The following WWOX variants were observed in gnomAD, a reference collection of about 807,000 sequenced individuals.
The protein encoded by WWOX is WW domain containing oxidoreductase.
WWOX carries 69 observed loss-of-function variants against 46.2 expected under a neutral mutation model. The observed-to-expected ratio is 1.49, with a 90% CI of 1.23 to 1.82. WWOX has a LOEUF of 1.82. Ranked by LOEUF, WWOX falls within the 40% of genes most tolerant of loss-of-function variation. The pLI, the probability that WWOX is intolerant of heterozygous loss-of-function variation, is 0.00. For missense variants in WWOX, 919 were observed against 542.6 expected (o/e 1.69, Z -6.89); for synonymous variants, 359 against 202.6 (o/e 1.77, Z -6.56).
chr16:78,614,685 A>G (rs1251715308), intron 8 of WWOX, among the ~76,000 whole-genome samples: 1 of 152,162 alleles, frequency 6.6e-6, no homozygotes, highest in Non-Finnish European at 1.5e-5. Flanking sequence ...CCTTTTTGAT[A>G]CTAACGCTAC....
chr16:79,074,308 C>T (rs943775959), intron 8 of WWOX, among the ~76,000 whole-genome samples: 2 of 151,728 alleles, frequency 1.3e-5, no homozygotes, highest in Non-Finnish European at 2.9e-5. Context: ...GCTGTCACCC[C>T]CATTTCCCAC....
At chr16:78,390,672 T>TC (rs2151936958) in intron 6 of WWOX, among the ~76,000 whole-genome samples, 1 of 152,312 alleles carries the variant, frequency 6.6e-6, no homozygotes, top group South Asian at 2.1e-4. Flanking sequence ...TGCAGGTCTT[T>TC]CGATTCTGAC....
intron 8 of WWOX, among the ~76,000 whole-genome samples, chr16:78,982,691 C>G (rs943838093): frequency 6.6e-6 from 1 of 152,166 alleles, no homozygotes; most frequent in African/African-American, 2.4e-5. Flanking sequence ...CCGGGCTCCT[C>G]AAACATGTAT....
chr16:78,398,424 A>T (rs181184315), intron 6 of WWOX, among the ~76,000 whole-genome samples: 2 of 152,200 alleles, frequency 1.3e-5, no homozygotes, highest in Non-Finnish European at 2.9e-5. Context: ...CAAAGTGACA[A>T]TGAGGGTAGT....
At chr16:78,219,437 A>G (rs9933348) in intron 5 of WWOX, among the ~76,000 whole-genome samples, 29,575 of 152,094 alleles carry the variant, frequency 0.19, 3,061 homozygotes, top group African/African-American at 0.22. Flanking sequence ...ATGCACAGCC[A>G]GATAACAACA....
At chr16:78,733,228 A>G (rs2049006866) in intron 8 of WWOX, among the ~76,000 whole-genome samples, 1 of 152,240 alleles carries the variant, frequency 6.6e-6, no homozygotes, top group South Asian at 2.1e-4. Flanking sequence ...TGCCATAAAT[A>G]CAAAGGATCC....
chr16:78,351,616 G>T (rs1275575939), intron 5 of WWOX, among the ~76,000 whole-genome samples: 1 of 152,146 alleles, frequency 6.6e-6, no homozygotes, highest in Non-Finnish European at 1.5e-5. Flanking sequence ...GCTCTATATT[G>T]CACATAGCTC....
In WWOX at chr16:78,169,666, C is replaced by T. The variant is rs556319158; in HGVS notation, c.516+5377C>T. On this transcript the variant is annotated intron_variant, in intron 5 of 8. Coordinates refer to ENST00000566780, the MANE Select transcript of WWOX (RefSeq NM_016373.4). Reference sequence around the variant, plus strand: ...GTTTCTAAATTTTAGATCCCCGGAACTTGGGATCTAAAACTCTGGTCCTGT... The same window carrying T: ...GTTTCTAAATTTTAGATCCCCGGAATTTGGGATCTAAAACTCTGGTCCTGT... Among the ~76,000 whole-genome samples, 6 of 152,098 alleles carry T rather than the reference C, an allele frequency of 3.9e-5. No homozygotes were observed. The South Asian group carries it at 1.2e-3, about 32-fold the overall frequency.
At chr16:78,634,075 C>G (rs2046506318) in intron 8 of WWOX, among the ~76,000 whole-genome samples, 3 of 152,058 alleles carry the variant, frequency 2.0e-5, no homozygotes, top group African/African-American at 4.8e-5. Flanking sequence ...CACTCTTGAA[C>G]CCAGAGAAGG....
intron 5 of WWOX, among the ~76,000 whole-genome samples, chr16:78,183,166 G>T (rs944686073): frequency 6.6e-6 from 1 of 152,048 alleles, no homozygotes; most frequent in Non-Finnish European, 1.5e-5. Flanking sequence ...ATATAGGTAT[G>T]CGAGACGTTG....
chr16:78,515,688 C>G (rs986832526), intron 8 of WWOX, among the ~76,000 whole-genome samples: 5 of 152,200 alleles, frequency 3.3e-5, no homozygotes, highest in Non-Finnish European at 5.9e-5. Context: ...CCTTCCACAC[C>G]TGCCTTTTCA....
Position 78,128,999 on chromosome 16 carries a change from A to G in WWOX, c.409+13845A>G, listed in dbSNP as rs184020180. ...ACAGTTACTAGATTGAGTGTTTGAC[A>G]AGGTAGAGAGCTCTGTAGTAGATCC... On this transcript the variant is annotated intron_variant, in intron 4 of 8. Transcript: ENST00000566780. Among the ~76,000 whole-genome samples the G allele has an allele frequency of 4.2e-3, 635 of 151,916 alleles. 4 individuals carry two copies. Among genetic ancestry groups the G allele is most frequent in the Middle Eastern group, 0.01 (3 of 294 alleles).
chr16:78,400,787 C>T (rs60570512), intron 6 of WWOX, among the ~76,000 whole-genome samples: 24,147 of 152,170 alleles, frequency 0.16, 2,415 homozygotes, highest in East Asian at 0.28. Context: ...TACACTGTTA[C>T]CCCTCAATCA....
chr16:78,579,517 G>C lies in WWOX; in HGVS notation c.1056+146765G>C, dbSNP rs181020950. The stretch of plus-strand genomic sequence containing the variant: ...GTAGGAAACAACATGAGATGAGGCT[G>C]GCGAGAGAGAAGGATGCTAGGTGAG... On this transcript the variant is annotated intron_variant, in intron 8 of 8. Transcript: ENST00000566780. 1.7e-3 allele frequency among the ~76,000 whole-genome samples: 266 copies of C among 152,256 alleles called. 1 individual carries two copies. The Middle Eastern group carries it at 0.024, about 14-fold the overall frequency.
chr16:79,147,454 A>C (rs1039012993), intron 8 of WWOX, among the ~76,000 whole-genome samples: 4 of 152,214 alleles, frequency 2.6e-5, no homozygotes, highest in Non-Finnish European at 5.9e-5. Context: ...ATTGCTCAGT[A>C]GTATTCCATG....
At chr16:78,822,597 C>G (rs1312634632) in intron 8 of WWOX, among the ~76,000 whole-genome samples, 1 of 152,142 alleles carries the variant, frequency 6.6e-6, no homozygotes, top group Non-Finnish European at 1.5e-5. Context: ...GTCTTCAGAG[C>G]CTAGATATTC....
chr16:79,182,231 G>T (rs559933320), intron 8 of WWOX, among the ~76,000 whole-genome samples: 1 of 151,876 alleles, frequency 6.6e-6, no homozygotes, highest in Non-Finnish European at 1.5e-5. Flanking sequence ...ATTAGCATCT[G>T]GGGCTGTACA....
intron 8 of WWOX, among the ~76,000 whole-genome samples, chr16:78,672,567 T>C (rs1426717564): frequency 1.3e-5 from 2 of 152,204 alleles, no homozygotes; most frequent in African/African-American, 4.8e-5. Context: ...AGTCATTGCA[T>C]CTCCAAACTG....
At chr16:78,880,005 T>A (rs1205286239) in intron 8 of WWOX, among the ~76,000 whole-genome samples, 2 of 152,188 alleles carry the variant, frequency 1.3e-5, no homozygotes, top group Admixed American at 6.5e-5. Flanking sequence ...TGGCGTTAGA[T>A]GACCAAGAAT....
Sources: allele counts gnomAD v4.1 joint callset (sites outside exome capture counted in the v4.1 genomes callset), GRCh38; gene constraint gnomAD v4.1.1; transcripts MANE v1.5; gene names NCBI Gene and HGNC (gene_info 2026-07-23, HGNC 2026-07-21).